Variants in PRKG1 observed in about 807,000 individuals in gnomAD.
PRKG1 encodes cGMP-dependent protein kinase 1.
PRKG1 carries 35 observed loss-of-function variants against 88.1 expected under a neutral mutation model. The ratio of observed to expected loss-of-function variants is 0.40; its 90% CI spans 0.30 to 0.53. The LOEUF is 0.53. Ranked by LOEUF, PRKG1 falls within the 20% of genes least tolerant of loss-of-function variation. PRKG1 has a pLI of 0.59. For missense variants in PRKG1, 540 were observed against 839.8 expected (o/e 0.64, Z 4.41); for synonymous variants, 303 against 292.5 (o/e 1.04, Z -0.37).
intron 2 of PRKG1, among the ~76,000 whole-genome samples, chr10:51,269,672 C>A (rs1227066091): frequency 6.6e-6 from 1 of 152,016 alleles, no homozygotes; most frequent in Non-Finnish European, 1.5e-5. Context: ...TATGAGGGTA[C>A]AAAGGCATAA....
intron 5 of PRKG1, among the ~76,000 whole-genome samples, chr10:51,971,703 C>T (rs1843717320): frequency 6.6e-6 from 1 of 152,012 alleles, no homozygotes; most frequent in South Asian, 2.1e-4. Flanking sequence ...GGCTCTTTAC[C>T]TCTTACACAA....
intron 9 of PRKG1, among the ~76,000 whole-genome samples, chr10:52,185,523 G>T (rs1259478105): frequency 2.6e-5 from 4 of 152,152 alleles, no homozygotes; most frequent in Non-Finnish European, 4.4e-5. Flanking sequence ...ACCCTTCTGG[G>T]ATATGGAGGG....
chr10:51,129,406 CCA>C (rs1488954351), intron 1 of PRKG1, among the ~76,000 whole-genome samples: 2 of 151,792 alleles, frequency 1.3e-5, no homozygotes, highest in Admixed American at 6.6e-5. Flanking sequence ...GATCGTGCCA[CCA>C]CACTCCAGCC....
intron 3 of PRKG1, among the ~76,000 whole-genome samples, chr10:51,583,360 G>T (rs925261683): frequency 4.6e-5 from 7 of 152,128 alleles, no homozygotes; most frequent in Non-Finnish European, 8.8e-5. Context: ...GTTAAAAGTT[G>T]TTTACTATTT....
chr10:51,805,198 T>A (rs1839273337), intron 4 of PRKG1, among the ~76,000 whole-genome samples: 1 of 152,114 alleles, frequency 6.6e-6, no homozygotes, highest in Non-Finnish European at 1.5e-5. Flanking sequence ...CCTTTAATCC[T>A]GAGCTTAATT....
intron 7 of PRKG1, among the ~76,000 whole-genome samples, chr10:52,114,557 A>ACTATATATATATACATATATATATAT (rs1554805858): frequency 2.0e-5 from 3 of 150,052 alleles, no homozygotes; most frequent in South Asian, 2.1e-4. Context: ...TAATATGCTG[A>ACTATATATATATACATATATATATAT]ATATATATAT....
chr10:51,125,138 C>G (rs1324342926), intron 1 of PRKG1, among the ~76,000 whole-genome samples: 1 of 151,976 alleles, frequency 6.6e-6, no homozygotes, highest in East Asian at 1.9e-4. Flanking sequence ...AGCAACATAA[C>G]TAAACCCTGT....
intron 17 of PRKG1, among the ~76,000 whole-genome samples, chr10:52,290,910 C>G (rs1211627316): frequency 2.4e-5 from 3 of 122,888 alleles, no homozygotes; most frequent in Non-Finnish European, 5.3e-5. Flanking sequence ...CATGATCACT[C>G]TTTTTTTTTT....
At chr10:51,523,100 T>G (rs774113905) in intron 3 of PRKG1, among the ~76,000 whole-genome samples, 1 of 152,174 alleles carries the variant, frequency 6.6e-6, no homozygotes, top group Non-Finnish European at 1.5e-5. Flanking sequence ...ACTGCGAGGT[T>G]GAAGATGATT....
chr10:51,309,927 T>G (rs911231688), intron 2 of PRKG1, among the ~76,000 whole-genome samples: 1 of 152,174 alleles, frequency 6.6e-6, no homozygotes, highest in African/African-American at 2.4e-5. Flanking sequence ...TAGAAAAGAA[T>G]GAAATTGTGT....
chr10:52,191,243 A>T (rs952636677), intron 9 of PRKG1, among the ~76,000 whole-genome samples: 3 of 151,898 alleles, frequency 2.0e-5, no homozygotes, highest in African/African-American at 7.3e-5. Flanking sequence ...GCCTAGACCT[A>T]CTGGGCTCAA....
intron 5 of PRKG1, among the ~76,000 whole-genome samples, chr10:52,042,849 A>G (rs942400959): frequency 4.6e-5 from 7 of 152,240 alleles, no homozygotes; most frequent in African/African-American, 1.4e-4. Flanking sequence ...TGTCTGGTCT[A>G]TGTAAGAAAC....
intron 2 of PRKG1, among the ~76,000 whole-genome samples, chr10:51,163,686 C>T (rs1277990773): frequency 6.6e-6 from 1 of 152,216 alleles, no homozygotes; most frequent in African/African-American, 2.4e-5. Flanking sequence ...CGGGTCACTC[C>T]CACCCTAATA....
At chr10:51,646,569 G>A (rs1205812074) in intron 3 of PRKG1, among the ~76,000 whole-genome samples, 3 of 151,854 alleles carry the variant, frequency 2.0e-5, no homozygotes, top group African/African-American at 4.8e-5. Context: ...ACTTACATCC[G>A]TAAACATTTA....
chr10:52,293,772 C>T, intron 17 of PRKG1, 30 bp from the exon 18 acceptor site: 1 of 1,566,064 alleles, frequency 6.4e-7, no homozygotes, highest in East Asian at 2.2e-5. Flanking sequence ...AAAAAAAATC[C>T]ACTAAAAAAA....
chr10:51,618,722 T>A (rs999456992), intron 3 of PRKG1, among the ~76,000 whole-genome samples: 1 of 152,074 alleles, frequency 6.6e-6, no homozygotes, highest in African/African-American at 2.4e-5. Context: ...ATTGTCTGCT[T>A]TACATTTCAA....
chr10:52,180,077 C>T (rs909785164), intron 9 of PRKG1, among the ~76,000 whole-genome samples: 7 of 152,160 alleles, frequency 4.6e-5, no homozygotes, highest in African/African-American at 1.2e-4. Context: ...CCTCATAAAT[C>T]GTTTAGGCTT....
intron 4 of PRKG1, among the ~76,000 whole-genome samples, chr10:51,829,008 C>G (rs945909474): frequency 6.6e-6 from 1 of 152,174 alleles, no homozygotes; most frequent in Admixed American, 6.5e-5. Context: ...CTGGATGCCT[C>G]TGACTAAAGG....
intron 2 of PRKG1, among the ~76,000 whole-genome samples, chr10:51,325,965 G>A (rs1000002163): frequency 1.3e-5 from 2 of 152,176 alleles, no homozygotes; most frequent in Non-Finnish European, 2.9e-5. Flanking sequence ...GAGAGGGAGA[G>A]GATACTGTTT....
Sources: allele counts gnomAD v4.1 joint callset (sites outside exome capture counted in the v4.1 genomes callset), GRCh38; gene constraint gnomAD v4.1.1; transcripts MANE v1.5; gene names NCBI Gene and HGNC (gene_info 2026-07-23, HGNC 2026-07-21).